ST7L: variants seen among roughly 807,000 people sequenced by gnomAD.
The protein encoded by ST7L is suppression of tumorigenicity 7 like.
In ST7L, 57 loss-of-function variants were observed where a neutral mutation model predicts 72.5. That is an observed-to-expected ratio of 0.79 (90% CI 0.64 to 0.98). ST7L has a LOEUF of 0.98. Among genes scored for constraint, ST7L ranks in the 50% least tolerant of loss-of-function variants. The pLI, the probability that ST7L is intolerant of heterozygous loss-of-function variation, is 0.00. For missense variants in ST7L, 576 were observed against 672.2 expected (o/e 0.86, Z 1.58); for synonymous variants, 221 against 240.9 (o/e 0.92, Z 0.77).
At chr1:112,576,837 G>A (rs1002601535) in intron 11 of ST7L, 149 bp downstream of exon 11, 8 of 485,784 alleles carry the variant, frequency 1.6e-5, no homozygotes, top group South Asian at 5.0e-5. Context: ...ATGTTTCAAC[G>A]TCCCCTGTAA....
At chr1:112,574,168 C>T (rs544765417) in intron 11 of ST7L, among the ~76,000 whole-genome samples, 3 of 148,738 alleles carry the variant, frequency 2.0e-5, no homozygotes, top group African/African-American at 4.9e-5. Flanking sequence ...CCACCCACCT[C>T]GGCCTCCCAA....
At chr1:112,612,710 C>T (rs898719167) in intron 2 of ST7L, among the ~76,000 whole-genome samples, 2 of 151,972 alleles carry the variant, frequency 1.3e-5, no homozygotes, top group Non-Finnish European at 2.9e-5. Context: ...CCAAATGAGG[C>T]CATGGTTTGA....
At chr1:112,611,089 T>C in intron 2 of ST7L, 86 bp from the exon 3 acceptor site, 1 of 1,344,408 alleles carries the variant, frequency 7.4e-7, no homozygotes, top group Non-Finnish European at 1.0e-6. Context: ...AGATGTCCTG[T>C]TCAATTCAGC....
rs1206133035 is a variant in ST7L, at chr1:112,618,968, C to T, written c.146G>A (p.Gly49Glu). The change falls in exon 1 of 15, where the codon GGG (glycine) becomes GAG (glutamate). Residue 49 changes from glycine to glutamate, a missense_variant. Gly to Glu is a moderately conservative substitution (Grantham distance 98). Transcript: ENST00000358039. Reference sequence around the variant, plus strand: ...CCTCAGGGCGTAAAGCAGCCCCAGCCCCGCCACGAACCACAACGAGGCCCC... The same window carrying T: ...CCTCAGGGCGTAAAGCAGCCCCAGCTCCGCCACGAACCACAACGAGGCCCC... ...GTGASLWFVA[G>E]LGLLYALRIP... is the part of the protein sequence containing the mutation. The T allele has an allele frequency of 1.2e-6, 2 of 1,606,136 alleles. No individual in the cohort carries two copies. Among genetic ancestry groups the T allele is most frequent in the African/African-American group, 1.3e-5 (1 of 74,826 alleles).
At chr1:112,588,071 T>C (rs1373865286) in intron 6 of ST7L, among the ~76,000 whole-genome samples, 1 of 152,208 alleles carries the variant, frequency 6.6e-6, no homozygotes, top group African/African-American at 2.4e-5. Flanking sequence ...GTAAATGGAA[T>C]TGTTTTCTTA....
At chr1:112,529,588 A>G (rs1654024801) in intron 14 of ST7L, 1 of 152,178 alleles carries the variant, frequency 6.6e-6, no homozygotes, top group Non-Finnish European at 1.5e-5. Context: ...CTCCCAGAGA[A>G]GCTATTATAA....
At chr1:112,613,307 T>C (rs1669357745) in intron 2 of ST7L, among the ~76,000 whole-genome samples, 1 of 148,104 alleles carries the variant, frequency 6.8e-6, no homozygotes, top group South Asian at 2.1e-4. Context: ...AAAAGCTTTC[T>C]ATGAGCCACA....
intron 3 of ST7L, 70 bp downstream of exon 3, chr1:112,610,771 T>A: frequency 6.4e-7 from 1 of 1,557,116 alleles, no homozygotes; most frequent in Non-Finnish European, 8.7e-7. Flanking sequence ...CTGTTTTGAG[T>A]TTTCTATCTC....
In ST7L at chr1:112,549,942, T is replaced by A. The variant is rs182344755; in HGVS notation, c.1489+659A>T. Among the ~76,000 whole-genome samples, 385 of 152,346 alleles carry A rather than the reference T, an allele frequency of 2.5e-3. 1 individual carries two copies. The highest frequency in any genetic ancestry group is 8.2e-3 in the African/African-American group (341 of 41,590). On this transcript the variant is annotated intron_variant, in intron 13 of 14. Coordinates refer to ENST00000358039, the MANE Select transcript of ST7L (RefSeq NM_017744.5). ...TTGTGGGTTTTTCAGGGATTTTTTT[T>A]AAATCAGGTTGAGGAAGTACCCTTC...
chr1:112,550,855 T>C (rs2101547388), intron 12 of ST7L, among the ~76,000 whole-genome samples, 162 bp from the exon 13 acceptor site: 1 of 152,250 alleles, frequency 6.6e-6, no homozygotes, highest in East Asian at 1.9e-4. Context: ...AGGGGAAGGA[T>C]AAGATTTATT....
At chr1:112,522,737 AAC>A (rs1335868205), downstream of ST7L, 1 of 152,324 alleles carries the variant, frequency 6.6e-6, no homozygotes, top group African/African-American at 2.4e-5. Flanking sequence ...CACATCCATT[AAC>A]ACAAAACATG....
chr1:112,568,873 TATATATATATATATAA>T (rs1661567269), intron 11 of ST7L, among the ~76,000 whole-genome samples: 2 of 142,264 alleles, frequency 1.4e-5, no homozygotes, highest in South Asian at 4.3e-4. Flanking sequence ...TATATATATA[TATATATATATATATAA>T]AACAAAAATT....
chr1:112,602,379 T>C (rs1667551730), intron 3 of ST7L, among the ~76,000 whole-genome samples: 1 of 152,208 alleles, frequency 6.6e-6, no homozygotes, highest in Non-Finnish European at 1.5e-5. Flanking sequence ...TTAAATTTTG[T>C]ACATCAGGCA....
chr1:112,540,870 T>C (rs1655984898), intron 14 of ST7L: 1 of 1,280,116 alleles, frequency 7.8e-7, no homozygotes, highest in Middle Eastern at 2.1e-4. Flanking sequence ...TAACTCCTAC[T>C]ACCTGGTAGA....
At chr1:112,590,712 C>G (rs1044200814) in intron 6 of ST7L, among the ~76,000 whole-genome samples, 1 of 151,966 alleles carries the variant, frequency 6.6e-6, no homozygotes, top group African/African-American at 2.4e-5. Context: ...TACATTTTGC[C>G]TTTTCAAAAT....
At chr1:112,606,495 C>T (rs1668263500) in intron 3 of ST7L, among the ~76,000 whole-genome samples, 1 of 152,164 alleles carries the variant, frequency 6.6e-6, no homozygotes, top group East Asian at 1.9e-4. Context: ...CACTTGAGAC[C>T]TCACCAAACT....
At chr1:112,587,805 G>A (rs912366930) in intron 6 of ST7L, among the ~76,000 whole-genome samples, 1 of 152,138 alleles carries the variant, frequency 6.6e-6, no homozygotes, top group Non-Finnish European at 1.5e-5. Flanking sequence ...AGGGTCTCTT[G>A]CAGTTCTGTA....
At chr1:112,559,789 G>A (rs1659798220) in intron 11 of ST7L, among the ~76,000 whole-genome samples, 1 of 151,764 alleles carries the variant, frequency 6.6e-6, no homozygotes, top group South Asian at 2.1e-4. Flanking sequence ...GACCAGCCTG[G>A]CCAAGATGGT....
intron 12 of ST7L, among the ~76,000 whole-genome samples, chr1:112,554,483 A>G (rs1198311912): frequency 6.6e-6 from 1 of 152,198 alleles, no homozygotes; most frequent in Non-Finnish European, 1.5e-5. Flanking sequence ...AAGTGTTGAC[A>G]AGGATGTGAA....
Sources: gnomAD v4.1 joint callset for allele counts (sites outside exome capture counted in the v4.1 genomes callset) on GRCh38, gnomAD v4.1.1 for gene constraint, MANE v1.5 for transcripts, NCBI Gene and HGNC (gene_info 2026-07-23, HGNC 2026-07-21) for gene names.